Variants in BICD1 observed in about 807,000 individuals in gnomAD.
BICD1 encodes the protein BICD cargo adaptor 1.
BICD1 carries 35 observed loss-of-function variants against 92.5 expected under a neutral mutation model. The ratio of observed to expected loss-of-function variants is 0.38; its 90% CI spans 0.29 to 0.50. BICD1 has a LOEUF of 0.50. Ranked by LOEUF, BICD1 falls within the 20% of genes least tolerant of loss-of-function variation. BICD1 has a pLI of 0.93. For synonymous variants in BICD1, 429 were observed against 465.1 expected (o/e 0.92, Z 1.00); for missense variants, 950 against 1,189.8 (o/e 0.80, Z 2.97).
At chr12:32,127,567 A>G (rs898196168) in intron 1 of BICD1, among the ~76,000 whole-genome samples, 4 of 152,204 alleles carry the variant, frequency 2.6e-5, no homozygotes, top group Non-Finnish European at 4.4e-5. Flanking sequence ...TCTTACTCTT[A>G]CCATTTTAAT....
At chr12:32,325,610 C>G (rs1210913610) in intron 4 of BICD1, among the ~76,000 whole-genome samples, 3 of 152,132 alleles carry the variant, frequency 2.0e-5, no homozygotes, top group African/African-American at 7.2e-5. Context: ...CTACTCTACT[C>G]TATTATACAT....
rs531606816 is a variant in BICD1, at chr12:32,313,391, G to C, written c.1005+7269G>C. ...TAATTGGTTGCTGCTTATAACAACT[G>C]TATGGGGTAGAGAGTATTATTATCT... On this transcript the variant is annotated intron_variant, in intron 4 of 9. Coordinates refer to ENST00000652176, the MANE Select transcript of BICD1 (RefSeq NM_001714.4). The surrounding 1 kb of genome is among the most constrained non-coding windows in gnomAD (Gnocchi z 4.2). Among the ~76,000 whole-genome samples, 1 of 152,262 alleles carries C rather than the reference G, an allele frequency of 6.6e-6. No homozygotes were observed. The highest frequency in any genetic ancestry group is 2.1e-4 in the South Asian group (1 of 4,822).
At chr12:32,240,776 A>G (rs1946214672) in intron 2 of BICD1, among the ~76,000 whole-genome samples, 1 of 152,260 alleles carries the variant, frequency 6.6e-6, no homozygotes, top group African/African-American at 2.4e-5. Flanking sequence ...TAAGGAAGAA[A>G]GAAAATAAGA....
intron 2 of BICD1, among the ~76,000 whole-genome samples, chr12:32,266,988 T>A (rs1947015039): frequency 6.6e-6 from 1 of 152,224 alleles, no homozygotes; most frequent in Non-Finnish European, 1.5e-5. Context: ...GAGGTTTGAC[T>A]TCTGTTATGT....
intron 1 of BICD1, among the ~76,000 whole-genome samples, chr12:32,164,068 G>A (rs779323204): frequency 3.4e-4 from 51 of 152,096 alleles, no homozygotes; most frequent in Middle Eastern, 3.4e-3. Context: ...TCCATCTCCC[G>A]TGTGTTTCCT....
chr12:32,365,215 C>T (rs181329150), intron 8 of BICD1, among the ~76,000 whole-genome samples: 1 of 152,014 alleles, frequency 6.6e-6, no homozygotes, highest in African/African-American at 2.4e-5. Context: ...CCAGCCTGGG[C>T]AACAAGAGCA....
intron 2 of BICD1, among the ~76,000 whole-genome samples, chr12:32,283,895 AT>A (rs1947485841): frequency 6.6e-6 from 1 of 152,182 alleles, no homozygotes; most frequent in Non-Finnish European, 1.5e-5. Flanking sequence ...TGCCCCTGGA[AT>A]TTTCAAATAA....
chr12:32,346,561 T>C (rs868317511), intron 8 of BICD1, among the ~76,000 whole-genome samples: 5 of 28,886 alleles, frequency 1.7e-4, no homozygotes, highest in African/African-American at 1.2e-3. Flanking sequence ...TATATATATA[T>C]ATATATATAT....
At chr12:32,215,953 CAAAAAAAAAAA>C (rs56005523) in intron 1 of BICD1, among the ~76,000 whole-genome samples, 2 of 67,904 alleles carry the variant, frequency 2.9e-5, no homozygotes, top group South Asian at 7.0e-4. Context: ...GACTCCGTCT[CAAAAAAAAAAA>C]AAAAAAAAAA....
intron 2 of BICD1, among the ~76,000 whole-genome samples, chr12:32,267,267 A>G (rs1947022688): frequency 6.6e-6 from 1 of 152,238 alleles, no homozygotes; most frequent in South Asian, 2.1e-4. Flanking sequence ...TACACAGTGT[A>G]TACAATGAAC....
chr12:32,367,668 A>G lies in BICD1; in HGVS notation c.2765-2A>G. ...CATGTCTAATTTATCAGTTTCTTGT[A>G]GATTGTCAGCAGCCTGCTGCCTCCG... On this transcript the variant is annotated splice_acceptor_variant, in intron 8 of 9. Transcript: ENST00000652176. LOFTEE classifies it high-confidence loss of function. 6.2e-7 allele frequency: 1 copy of G among 1,613,764 alleles called. No individual in the cohort carries two copies. The highest frequency in any genetic ancestry group is 1.1e-5 in the South Asian group (1 of 91,080).
At chr12:32,223,254 A>C (rs1303181903) in intron 2 of BICD1, among the ~76,000 whole-genome samples, 1 of 152,188 alleles carries the variant, frequency 6.6e-6, no homozygotes, top group Non-Finnish European at 1.5e-5. Flanking sequence ...GTGGTAGCTC[A>C]CGCCTGTAAT....
intron 6 of BICD1, among the ~76,000 whole-genome samples, chr12:32,335,904 C>T (rs1938099506): frequency 1.3e-5 from 2 of 152,050 alleles, no homozygotes; most frequent in South Asian, 4.2e-4. Flanking sequence ...AATTGTGTAT[C>T]TTGTATGATG....
intron 8 of BICD1, among the ~76,000 whole-genome samples, chr12:32,361,851 C>T (rs1939341264): frequency 6.6e-6 from 1 of 152,162 alleles, no homozygotes; most frequent in South Asian, 2.1e-4. Flanking sequence ...CCAAAGAAGC[C>T]ACCTCTGCAG....
rs1247983197 is a variant in BICD1 at position 32,339,008 on chromosome 12, A to G, written c.2764+29A>G. Reference sequence around the variant, plus strand: ...AACATTTTTTCCTTGGGTGCATGTGATGCAAATGATTAGTTGAATAGACTC... The same window carrying G: ...AACATTTTTTCCTTGGGTGCATGTGGTGCAAATGATTAGTTGAATAGACTC... On this transcript the variant is annotated intron_variant, in intron 8 of 9. Transcript: ENST00000652176. 3 of 1,568,410 alleles carry G rather than the reference A, an allele frequency of 1.9e-6. No homozygotes were observed. In the South Asian group the frequency reaches 3.6e-5, roughly 19 times the overall value.
At chr12:32,335,765 T>C (rs1453214888) in intron 6 of BICD1, among the ~76,000 whole-genome samples, 6 of 151,728 alleles carry the variant, frequency 4.0e-5, no homozygotes, top group African/African-American at 1.5e-4. Context: ...TTGTGGTTTT[T>C]GTGGAGGCAG....
chr12:32,126,985 T>C (rs570289962), intron 1 of BICD1, among the ~76,000 whole-genome samples: 4 of 152,128 alleles, frequency 2.6e-5, no homozygotes, highest in Non-Finnish European at 5.9e-5. Flanking sequence ...TCATTTACCA[T>C]TGGATTGTTT....
At chr12:32,198,249 C>T (rs1265804284) in intron 1 of BICD1, among the ~76,000 whole-genome samples, 1 of 146,754 alleles carries the variant, frequency 6.8e-6, no homozygotes, top group Non-Finnish European at 1.5e-5. Flanking sequence ...GGGAGAGCAC[C>T]AAATACCCTT....
At chr12:32,244,629 ATTT>A (rs57854307) in intron 2 of BICD1, among the ~76,000 whole-genome samples, 16 of 135,662 alleles carry the variant, frequency 1.2e-4, no homozygotes, top group African/African-American at 3.3e-4. Flanking sequence ...TTGATATAGG[ATTT>A]TTTTTTTTTT....
Sources: allele counts gnomAD v4.1 joint callset (sites outside exome capture counted in the v4.1 genomes callset), GRCh38; gene constraint gnomAD v4.1.1; non-coding constraint Gnocchi (gnomAD v3.1); transcripts MANE v1.5; gene names NCBI Gene and HGNC (gene_info 2026-07-23, HGNC 2026-07-21).